NTM: variants seen among roughly 807,000 people sequenced by gnomAD.
NTM encodes the protein IgLON family member 2.
Under a neutral mutation model 42.1 loss-of-function variants are expected in NTM, and 13 were observed. The observed-to-expected ratio is 0.31, with a 90% confidence interval of 0.20 to 0.49. The LOEUF (loss-of-function observed/expected upper bound fraction) is 0.49, where lower values mean the gene tolerates loss of function less well. Ranked by LOEUF, NTM falls within the 20% of genes least tolerant of loss-of-function variation. NTM has a pLI of 0.99. For missense variants in NTM, 373 were observed against 452.8 expected, an observed-to-expected ratio of 0.82 and a Z score of 1.60; for synonymous variants, 187 against 179.2, an observed-to-expected ratio of 1.04 and a Z score of -0.35.
chr11:131,623,909 G>T (rs2062831887), intron 1 of NTM, among the ~76,000 whole-genome samples: 1 of 152,250 alleles, frequency 6.6e-6, no homozygotes, highest in South Asian at 2.1e-4. Flanking sequence ...AGGAGGAAAT[G>T]AAGGGCCTAC....
At chr11:131,645,996 A>G (rs2065728939) in intron 1 of NTM, among the ~76,000 whole-genome samples, 1 of 152,260 alleles carries the variant, frequency 6.6e-6, no homozygotes, top group Non-Finnish European at 1.5e-5. Context: ...TAGACATGTC[A>G]GTACGGAGCA....
chr11:131,703,884 T>G (rs2135208550), intron 1 of NTM, among the ~76,000 whole-genome samples: 1 of 152,044 alleles, frequency 6.6e-6, no homozygotes, highest in South Asian at 2.1e-4. Context: ...AGCCCCAGTT[T>G]CCAGGCCTGC....
intron 2 of NTM, among the ~76,000 whole-genome samples, chr11:131,958,080 C>T (rs762329700): frequency 1.3e-5 from 2 of 152,134 alleles, no homozygotes; most frequent in Non-Finnish European, 2.9e-5. Flanking sequence ...GCCGACACCA[C>T]CTCTGTTTGT....
At chr11:131,788,733 A>T (rs947179159) in intron 1 of NTM, among the ~76,000 whole-genome samples, 5 of 152,032 alleles carry the variant, frequency 3.3e-5, no homozygotes, top group Admixed American at 3.3e-4. Context: ...AATCTTTGGT[A>T]TTTTTTAGGG....
intron 2 of NTM, among the ~76,000 whole-genome samples, chr11:132,127,432 G>A (rs759870955): frequency 6.6e-6 from 1 of 152,188 alleles, no homozygotes; most frequent in African/African-American, 2.4e-5. Flanking sequence ...CAGTCTTGGC[G>A]ATGCTGACCT....
In NTM at chr11:131,880,847, T is replaced by C. The variant is rs147286584; in HGVS notation, c.83-30717T>C. 3.6e-3 allele frequency among the ~76,000 whole-genome samples: 548 copies of C among 152,226 alleles called. 3 individuals are homozygous for C. Among genetic ancestry groups the C allele is most frequent in the African/African-American group, 0.012 (495 of 41,538 alleles). ...CCAAAGCTGGGGTTAGCTGAATTCA[T>C]GATAACTAATTCTAAACTCTGATAG... On this transcript the variant is annotated intron_variant, in intron 1 of 8. Transcript: ENST00000683400.
intron 4 of NTM, among the ~76,000 whole-genome samples, chr11:132,228,664 T>A (rs2086823024): frequency 6.6e-6 from 1 of 152,178 alleles, no homozygotes; most frequent in African/African-American, 2.4e-5. Context: ...ACCACAGTGT[T>A]TTCCTCCACA....
At chr11:132,187,587 A>C (rs900664385) in intron 3 of NTM, among the ~76,000 whole-genome samples, 2 of 152,156 alleles carry the variant, frequency 1.3e-5, no homozygotes, top group African/African-American at 4.8e-5. Flanking sequence ...GCCATTCAGC[A>C]GCTAACTACC....
chr11:131,988,519 G>T (rs1350716273), intron 2 of NTM, among the ~76,000 whole-genome samples: 1 of 152,196 alleles, frequency 6.6e-6, no homozygotes, highest in African/African-American at 2.4e-5. Context: ...GTGACATAGT[G>T]ACTGGCAGTG....
At chr11:131,550,151 G>A (rs113030958) in intron 1 of NTM, among the ~76,000 whole-genome samples, 5 of 152,218 alleles carry the variant, frequency 3.3e-5, no homozygotes, top group African/African-American at 1.2e-4. Context: ...GACATTAAAT[G>A]TTTACTATGT....
At chr11:131,958,997 G>A (rs547296213) in intron 2 of NTM, among the ~76,000 whole-genome samples, 2 of 152,250 alleles carry the variant, frequency 1.3e-5, no homozygotes, top group East Asian at 1.9e-4. Flanking sequence ...CGGAAGAAAC[G>A]AGACTCCAGG....
chr11:132,249,781 C>T (rs762580934), intron 4 of NTM, among the ~76,000 whole-genome samples: 40 of 152,234 alleles, frequency 2.6e-4, no homozygotes, highest in Non-Finnish European at 5.0e-4. Flanking sequence ...GTTTTCTCTT[C>T]AACTCATTAA....
intron 1 of NTM, among the ~76,000 whole-genome samples, chr11:131,586,033 G>C (rs969862884): frequency 6.6e-6 from 1 of 152,210 alleles, no homozygotes; most frequent in African/African-American, 2.4e-5. Flanking sequence ...TAAAAGTTCA[G>C]TGAAATTACA....
intron 1 of NTM, among the ~76,000 whole-genome samples, chr11:131,513,332 C>T (rs1220795772): frequency 6.6e-6 from 1 of 152,160 alleles, no homozygotes; most frequent in Middle Eastern, 3.2e-3. Context: ...GTAGGAGTTA[C>T]AGGCTCTGCA....
intron 2 of NTM, among the ~76,000 whole-genome samples, chr11:132,048,919 G>A (rs1360796176): frequency 1.3e-5 from 2 of 150,876 alleles, no homozygotes; most frequent in African/African-American, 2.4e-5. Flanking sequence ...CTTCTGAAGA[G>A]TCGGCCCTTA....
intron 1 of NTM, among the ~76,000 whole-genome samples, chr11:131,410,517 C>CAAAAAAAAAAAAA (rs1161389222): frequency 1.5e-4 from 5 of 32,764 alleles, no homozygotes; most frequent in Non-Finnish European, 2.5e-4. Context: ...AAACAATAAC[C>CAAAAAAAAAAAAA]AAAAAAAAAA....
chr11:132,166,116 G>A (rs910160424), intron 3 of NTM, among the ~76,000 whole-genome samples: 4 of 152,062 alleles, frequency 2.6e-5, no homozygotes, highest in East Asian at 1.9e-4. Context: ...ACACAATCAT[G>A]TAGCACTTTT....
intron 1 of NTM, among the ~76,000 whole-genome samples, chr11:131,898,410 G>A (rs1243101215): frequency 3.3e-5 from 5 of 152,136 alleles, no homozygotes; most frequent in African/African-American, 1.2e-4. Context: ...CATTGAATGT[G>A]TTTTACCTGT....
intron 2 of NTM, among the ~76,000 whole-genome samples, chr11:132,029,900 G>C (rs917670327): frequency 2.6e-5 from 4 of 152,068 alleles, no homozygotes; most frequent in African/African-American, 9.7e-5. Flanking sequence ...CATAGGGCAG[G>C]CTTATTTAGG....
Sources: allele counts gnomAD v4.1 joint callset (sites outside exome capture counted in the v4.1 genomes callset), GRCh38; gene constraint gnomAD v4.1.1; transcripts MANE v1.5; gene names NCBI Gene and HGNC (gene_info 2026-07-23, HGNC 2026-07-21).